The following TBC1D5 variants were observed in gnomAD, a reference collection of about 807,000 sequenced individuals.
TBC1D5 encodes the protein TBC1 domain family, member 5.
TBC1D5 carries 75 observed loss-of-function variants against 100.3 expected under a neutral mutation model. The ratio of observed to expected loss-of-function variants is 0.75; its 90% CI spans 0.62 to 0.91. The LOEUF (loss-of-function observed/expected upper bound fraction) is 0.91, where lower values mean the gene tolerates loss of function less well. TBC1D5 is among the 40% of genes least tolerant of loss of function. The pLI, the probability that TBC1D5 is intolerant of heterozygous loss-of-function variation, is 0.00. For missense variants in TBC1D5, 910 were observed against 942.4 expected, an observed-to-expected ratio of 0.97 and a Z score of 0.45; for synonymous variants, 323 against 325.6, an observed-to-expected ratio of 0.99 and a Z score of 0.09.
chr3:17,735,048 G>A (rs914107494), intron 1 of TBC1D5, among the ~76,000 whole-genome samples: 22 of 151,986 alleles, frequency 1.4e-4, no homozygotes, highest in Non-Finnish European at 2.9e-5. Context: ...AGCTGTGATC[G>A]TGCCACTGCA....
chr3:17,380,138 C>T (rs2092888495), intron 9 of TBC1D5, among the ~76,000 whole-genome samples: 1 of 150,380 alleles, frequency 6.6e-6, no homozygotes, highest in Non-Finnish European at 1.5e-5. Context: ...AAGGTACTCA[C>T]TACATATTGA....
chr3:17,499,806 T>A lies in TBC1D5; in HGVS notation c.97+8668A>T, dbSNP rs573917741. Among the ~76,000 whole-genome samples, 23 of 149,522 alleles carry A rather than the reference T, an allele frequency of 1.5e-4. 2 individuals are homozygous for A. The East Asian group carries it at 1.6e-3, about 10-fold the overall frequency. On this transcript the variant is annotated intron_variant, in intron 3 of 21. Coordinates refer to ENST00000253692, the Ensembl canonical transcript of TBC1D5. ...AAGCTCCATTATAGGCCATTTTACTTCAATGTTTGTTTCATATTTTAGGTT... is the reference window on the plus strand; with the variant it reads ...AAGCTCCATTATAGGCCATTTTACTACAATGTTTGTTTCATATTTTAGGTT...
intron 19 of TBC1D5, among the ~76,000 whole-genome samples, chr3:17,178,215 A>G (rs544018352): frequency 7.4e-4 from 112 of 151,984 alleles, no homozygotes; most frequent in South Asian, 6.5e-3. Context: ...ACATGCGCCC[A>G]CCACCACGCC....
At chr3:17,666,985 T>C (rs2067337798) in intron 1 of TBC1D5, among the ~76,000 whole-genome samples, 2 of 152,136 alleles carry the variant, frequency 1.3e-5, no homozygotes. Context: ...AGTTAGTGAA[T>C]GTTAGAAAAA....
chr3:17,423,898 G>A (rs1354065634), intron 4 of TBC1D5, among the ~76,000 whole-genome samples: 1 of 151,974 alleles, frequency 6.6e-6, no homozygotes, highest in Non-Finnish European at 1.5e-5. Context: ...CCAAATAACT[G>A]GTCTGAGCTT....
chr3:17,232,607 T>C (rs1160324996), intron 17 of TBC1D5, among the ~76,000 whole-genome samples: 1 of 152,106 alleles, frequency 6.6e-6, no homozygotes, highest in Non-Finnish European at 1.5e-5. Flanking sequence ...GTTCATCTGG[T>C]TCAATTACCA....
At chr3:17,498,666 G>A (rs562354663) in intron 3 of TBC1D5, among the ~76,000 whole-genome samples, 66 of 151,942 alleles carry the variant, frequency 4.3e-4, no homozygotes, top group Non-Finnish European at 8.2e-4. Flanking sequence ...ATGTAGACTC[G>A]GCACATTAAA....
At chr3:17,528,430 G>A (rs2096170364) in intron 2 of TBC1D5, among the ~76,000 whole-genome samples, 1 of 152,170 alleles carries the variant, frequency 6.6e-6, no homozygotes, top group African/African-American at 2.4e-5. Flanking sequence ...CTTGGAAGCA[G>A]AGACCAGCCC....
intron 1 of TBC1D5, among the ~76,000 whole-genome samples, chr3:17,725,885 G>C (rs1205723385): frequency 1.3e-5 from 2 of 152,092 alleles, no homozygotes; most frequent in African/African-American, 2.4e-5. Context: ...CCCTCAAGTA[G>C]GCCCCAGTGT....
intron 1 of TBC1D5, among the ~76,000 whole-genome samples, chr3:17,643,640 T>G (rs1577194346): frequency 6.6e-6 from 1 of 152,096 alleles, no homozygotes; most frequent in East Asian, 1.9e-4. Context: ...TATCAAAAAG[T>G]TAAATGCAAA....
At chr3:17,286,695 T>C (rs2081226042) in intron 15 of TBC1D5, among the ~76,000 whole-genome samples, 1 of 152,222 alleles carries the variant, frequency 6.6e-6, no homozygotes, top group Non-Finnish European at 1.5e-5. Context: ...CTTACATATA[T>C]GGCAGTTTCA....
rs1195631584 is a variant in TBC1D5 at position 17,353,990 on chromosome 3, C to T, written c.995+18085G>A. Among the ~76,000 whole-genome samples the T allele has an allele frequency of 1.3e-5, 2 of 152,046 alleles. 1 individual carries two copies. The highest frequency in any genetic ancestry group is 1.3e-4 in the Admixed American group (2 of 15,242). On this transcript the variant is annotated intron_variant, in intron 13 of 21. Transcript: ENST00000253692. ...ATTCCACGTTTTCTATCAGACAGTA[C>T]ATACTGATGATTTTTCATCTAAAAT... is the stretch of plus-strand genomic sequence containing the variant.
intron 13 of TBC1D5, among the ~76,000 whole-genome samples, chr3:17,351,596 G>C (rs1439907612): frequency 1.3e-5 from 2 of 152,002 alleles, no homozygotes. Flanking sequence ...GGGAGCAAGG[G>C]GAGGGATAGC....
chr3:17,351,961 A>G (rs2090641470), intron 13 of TBC1D5, among the ~76,000 whole-genome samples: 1 of 151,148 alleles, frequency 6.6e-6, no homozygotes, highest in African/African-American at 2.4e-5. Flanking sequence ...ACCCTCAAAC[A>G]ACGTTTCATC....
chr3:17,455,396 A>G lies in TBC1D5; in HGVS notation c.98-26877T>C, dbSNP rs142769173. ...TATGTATAAGCCAAAAAAAGTATAT[A>G]CACACACGTGTGTGTATATATGTAT... On this transcript the variant is annotated intron_variant, in intron 3 of 21. Coordinates refer to ENST00000253692, the Ensembl canonical transcript of TBC1D5. Among the ~76,000 whole-genome samples the G allele has an allele frequency of 8.1e-4, 119 of 146,114 alleles. 1 individual carries two copies. The highest frequency in any genetic ancestry group is 1.4e-3 in the Non-Finnish European group (97 of 67,132).
At chr3:17,232,755 C>A (rs902848587) in intron 17 of TBC1D5, among the ~76,000 whole-genome samples, 4 of 152,096 alleles carry the variant, frequency 2.6e-5, no homozygotes, top group Non-Finnish European at 4.4e-5. Flanking sequence ...ACAACCCATT[C>A]TTTTCTGTTC....
chr3:17,508,564 G>T, exon 3 of TBC1D5: 1 of 1,613,010 alleles, frequency 6.2e-7, no homozygotes, highest in African/African-American at 1.3e-5. Context: ...GATAAGGAAT[G>T]ATACATTGTG....
chr3:17,266,925 A>T (rs947704523), intron 15 of TBC1D5, among the ~76,000 whole-genome samples: 3 of 151,240 alleles, frequency 2.0e-5, no homozygotes, highest in South Asian at 2.1e-4. Flanking sequence ...GAAAAAGTTT[A>T]AAAAAAAAGG....
rs572991806 is a variant in TBC1D5, at chr3:17,690,780, A to G, written c.-101+48563T>C. On this transcript the variant is annotated intron_variant, in intron 1 of 21. Transcript: ENST00000253692. The stretch of plus-strand genomic sequence containing the variant: ...GGTGGAACAGTTTCATCCGAAAACC[A>G]TATCTCCACCCCCATCCATGGAAAA... Among the ~76,000 whole-genome samples the G allele has an allele frequency of 2.0e-4, 30 of 152,276 alleles. No homozygotes were observed. In the South Asian group the frequency reaches 2.3e-3, roughly 12 times the overall value.
Sources: gnomAD v4.1 joint callset for allele counts (sites outside exome capture counted in the v4.1 genomes callset) on GRCh38, gnomAD v4.1.1 for gene constraint, MANE v1.5 for transcripts, NCBI Gene and HGNC (gene_info 2026-07-23, HGNC 2026-07-21) for gene names.